The following HSD17B4 variants were observed in gnomAD, a reference collection of about 807,000 sequenced individuals.
HSD17B4 encodes the protein peroxisomal multifunctional enzyme type 2.
Under a neutral mutation model 101.0 loss-of-function variants are expected in HSD17B4, and 70 were observed. That is an observed-to-expected ratio of 0.69 (90% CI 0.57 to 0.85). The LOEUF (loss-of-function observed/expected upper bound fraction) is 0.85. Ranked by LOEUF, HSD17B4 falls within the 40% of genes least tolerant of loss-of-function variation. The pLI, the probability that HSD17B4 is intolerant of heterozygous loss-of-function variation, is 0.00. For synonymous variants in HSD17B4, 347 were observed against 297.1 expected (o/e 1.17, Z -1.73); for missense variants, 984 against 892.4 (o/e 1.10, Z -1.31).
chr5:119,494,634 A>G (rs1750464771), intron 11 of HSD17B4, among the ~76,000 whole-genome samples: 1 of 151,972 alleles, frequency 6.6e-6, no homozygotes, highest in Non-Finnish European at 1.5e-5. Context: ...CTGAGCTCCT[A>G]CCACTTGAGC....
intron 9 of HSD17B4, among the ~76,000 whole-genome samples, chr5:119,491,235 T>G (rs1456695061): frequency 6.6e-6 from 1 of 152,142 alleles, no homozygotes; most frequent in Non-Finnish European, 1.5e-5. Context: ...ATTTGTCTAG[T>G]GTAACTTTAT....
At chr5:119,453,275 T>C (rs1754266972) in intron 1 of HSD17B4, among the ~76,000 whole-genome samples, 1 of 152,154 alleles carries the variant, frequency 6.6e-6, no homozygotes, top group African/African-American at 2.4e-5. Flanking sequence ...AGGCGTATGA[T>C]GGAGAAAGAA....
chr5:119,485,788 G>A (rs1749563258), intron 8 of HSD17B4, among the ~76,000 whole-genome samples: 1 of 152,132 alleles, frequency 6.6e-6, no homozygotes, highest in Non-Finnish European at 1.5e-5. Context: ...ACCCTATAAT[G>A]AGTATCCAGG....
chr5:119,532,311 A>G (rs1349220926), intron 22 of HSD17B4, among the ~76,000 whole-genome samples: 2 of 152,046 alleles, frequency 1.3e-5, no homozygotes, highest in Non-Finnish European at 2.9e-5. Context: ...GTTTTCTCTC[A>G]TTTGACTTTG....
At chr5:119,495,028 A>G (rs1341745268) in intron 11 of HSD17B4, among the ~76,000 whole-genome samples, 1 of 145,678 alleles carries the variant, frequency 6.9e-6, no homozygotes, top group African/African-American at 2.8e-5. Context: ...TATTTGAAAA[A>G]TGACTATTCG....
chr5:119,478,763 A>C, intron 7 of HSD17B4, 71 bp from the exon 8 acceptor site: 1 of 1,335,090 alleles, frequency 7.5e-7, no homozygotes, highest in Non-Finnish European at 1.1e-6. Flanking sequence ...AGTAGTACCA[A>C]AACAGAGTTA....
rs10036783 is a variant in HSD17B4, at chr5:119,531,223, A to G, written c.1855-43A>G. On this transcript the variant is annotated intron_variant, in intron 21 of 23. Coordinates refer to ENST00000510025, the MANE Select transcript of HSD17B4 (RefSeq NM_000414.4). The stretch of plus-strand genomic sequence containing the variant: ...TTATAATCACTTTTCTCCATGAGTT[A>G]TTTTTACAGAACTTTTAAAGTTTAT... 6.2e-3 allele frequency: 9,954 copies of G among 1,603,978 alleles called. 52 individuals carry two copies. Among genetic ancestry groups the G allele is most frequent in the Non-Finnish European group, 7.6e-3 (8,853 of 1,171,270 alleles).
At chr5:119,505,675 A>G (rs1234596641) in intron 14 of HSD17B4, among the ~76,000 whole-genome samples, 1 of 152,066 alleles carries the variant, frequency 6.6e-6, no homozygotes, top group Non-Finnish European at 1.5e-5. Flanking sequence ...CTAGGTATAG[A>G]ATGATATCAT....
At chr5:119,491,059 A>G (rs1427600393) in intron 9 of HSD17B4, among the ~76,000 whole-genome samples, 1 of 152,178 alleles carries the variant, frequency 6.6e-6, no homozygotes, top group Non-Finnish European at 1.5e-5. Flanking sequence ...GTAAATTGCC[A>G]CTTTTTGAAG....
intron 17 of HSD17B4, among the ~76,000 whole-genome samples, chr5:119,520,771 G>T (rs566060101): frequency 2.0e-5 from 3 of 152,106 alleles, no homozygotes; most frequent in African/African-American, 7.2e-5. Context: ...AGCAAAAGTC[G>T]TGTATACCTT....
chr5:119,501,944 G>A (rs1751203739), intron 13 of HSD17B4, 97 bp from the exon 14 acceptor site: 4 of 757,142 alleles, frequency 5.3e-6, no homozygotes, highest in Non-Finnish European at 4.8e-6. Flanking sequence ...ATGTGAGCCT[G>A]TGGATGGTAA....
intron 12 of HSD17B4, among the ~76,000 whole-genome samples, chr5:119,497,458 T>C (rs894345335): frequency 6.6e-5 from 10 of 152,202 alleles, no homozygotes; most frequent in African/African-American, 2.4e-4. Flanking sequence ...GTTCTTTATC[T>C]CTTTAAGGAT....
At chr5:119,520,475 C>G (rs1753019419) in intron 17 of HSD17B4, among the ~76,000 whole-genome samples, 1 of 152,182 alleles carries the variant, frequency 6.6e-6, no homozygotes, top group Non-Finnish European at 1.5e-5. Flanking sequence ...ACAAATTCAG[C>G]TGCATCATAC....
intron 2 of HSD17B4, among the ~76,000 whole-genome samples, chr5:119,473,614 T>C (rs1248209966): frequency 6.6e-6 from 1 of 152,170 alleles, no homozygotes; most frequent in Non-Finnish European, 1.5e-5. Flanking sequence ...TAAGCCACCA[T>C]GCCCAGTCTT....
At chr5:119,528,955 A>G (rs2126886606) in intron 20 of HSD17B4, among the ~76,000 whole-genome samples, 1 of 152,212 alleles carries the variant, frequency 6.6e-6, no homozygotes, top group East Asian at 1.9e-4. Flanking sequence ...TATAAGAAAC[A>G]TTTTAAACCA....
chr5:119,491,774 T>C (rs1047020697), intron 9 of HSD17B4, among the ~76,000 whole-genome samples: 2 of 152,204 alleles, frequency 1.3e-5, no homozygotes, highest in African/African-American at 4.8e-5. Context: ...ATTTTTATTT[T>C]ACATTTGAGG....
Position 119,477,401 on chromosome 5 carries a change from T to A in HSD17B4, c.350-16T>A. 1 of 1,544,578 alleles carries A rather than the reference T, an allele frequency of 6.5e-7. No individual in the cohort carries two copies. The highest frequency in any genetic ancestry group is 8.9e-7 in the Non-Finnish European group (1 of 1,120,970). ...GTTTTTACAAAATATTTAATAAAAA[T>A]AATTTATTGTTTTAGATATAATCCA... On this transcript the variant is annotated splice_polypyrimidine_tract_variant and intron_variant, in intron 6 of 23. Coordinates refer to ENST00000510025, the MANE Select transcript of HSD17B4 (RefSeq NM_000414.4).
chr5:119,477,326 A>G (rs935148098), intron 6 of HSD17B4, 91 bp from the exon 7 acceptor site: 3 of 893,344 alleles, frequency 3.4e-6, no homozygotes, highest in Admixed American at 4.1e-5. Flanking sequence ...TAAAATGAAC[A>G]TCTTTGTATA....
intron 8 of HSD17B4, among the ~76,000 whole-genome samples, chr5:119,487,740 C>T (rs1305108715): frequency 3.3e-5 from 5 of 152,068 alleles, no homozygotes; most frequent in African/African-American, 1.2e-4. Context: ...ACTCAAATAT[C>T]CAAATCCCTG....
Sources: allele counts gnomAD v4.1 joint callset (sites outside exome capture counted in the v4.1 genomes callset), GRCh38; gene constraint gnomAD v4.1.1; transcripts MANE v1.5; gene names NCBI Gene and HGNC (gene_info 2026-07-23, HGNC 2026-07-21).